The following CDKAL1 variants were observed in gnomAD, a reference collection of about 807,000 sequenced individuals.
CDKAL1 encodes CDKAL1 threonylcarbamoyladenosine tRNA methylthiotransferase.
CDKAL1 carries 32 observed loss-of-function variants against 68.2 expected under a neutral mutation model. The ratio of observed to expected loss-of-function variants is 0.47; its 90% CI spans 0.35 to 0.63. The LOEUF (loss-of-function observed/expected upper bound fraction) is 0.63. Among genes scored for constraint, CDKAL1 ranks in the 30% least tolerant of loss-of-function variants. The pLI, the probability that CDKAL1 is intolerant of heterozygous loss-of-function variation, is 0.00. For synonymous variants in CDKAL1, 234 were observed against 244.3 expected, an observed-to-expected ratio of 0.96 and a Z score of 0.39; for missense variants, 606 against 696.7, an observed-to-expected ratio of 0.87 and a Z score of 1.47.
Position 21,079,727 on chromosome 6 carries a change from A to G in CDKAL1, c.1236+14499A>G, listed in dbSNP as rs568340006. On this transcript the variant is annotated intron_variant, in intron 12 of 15. Transcript: ENST00000274695. ...TGCTACAGCTGGTGCTGATGACATT[A>G]TCTTCCCTAATGGTCATGAGATTAC... Among the ~76,000 whole-genome samples, 10 of 152,328 alleles carry G rather than the reference A, an allele frequency of 6.6e-5. No homozygotes were observed. The South Asian group carries it at 1.0e-3, about 16-fold the overall frequency.
chr6:20,859,182 G>T (rs1001293250), intron 9 of CDKAL1, among the ~76,000 whole-genome samples: 2 of 151,494 alleles, frequency 1.3e-5, no homozygotes, highest in African/African-American at 2.4e-5. Flanking sequence ...GATTCTCTTT[G>T]ATCATGTGGT....
rs967718800 is a variant in CDKAL1 at position 20,805,499 on chromosome 6, C to T, written c.638+24234C>T. ...ATAAAAGCATAGTTTGAATATCTCA[C>T]TTTTAAGGCACAGTGGAGTGAGGAT... On this transcript the variant is annotated intron_variant, in intron 8 of 15. Transcript: ENST00000274695. Among the ~76,000 whole-genome samples, 3 of 152,292 alleles carry T rather than the reference C, an allele frequency of 2.0e-5. 1 individual carries two copies. The highest frequency in any genetic ancestry group is 4.1e-4 in the South Asian group (2 of 4,824).
intron 2 of CDKAL1, among the ~76,000 whole-genome samples, chr6:20,538,773 T>G (rs1354682680): frequency 6.6e-6 from 1 of 152,190 alleles, no homozygotes; most frequent in African/African-American, 2.4e-5. Context: ...GGTTGGGCAT[T>G]TACTTCAGCT....
chr6:20,629,729 C>T (rs920164006), intron 4 of CDKAL1, among the ~76,000 whole-genome samples: 6 of 152,066 alleles, frequency 3.9e-5, no homozygotes, highest in African/African-American at 1.5e-4. Flanking sequence ...ATGCCCATCC[C>T]ATTGTGCCGC....
intron 12 of CDKAL1, among the ~76,000 whole-genome samples, chr6:21,069,860 G>C (rs1026916113): frequency 2.0e-4 from 26 of 127,304 alleles, no homozygotes; most frequent in African/African-American, 7.3e-4. Context: ...CGCCATCTCA[G>C]CTCACTGCAA....
rs1012347640 is a variant in CDKAL1 at position 20,940,950 on chromosome 6, C to T, written c.743-14469C>T. Among the ~76,000 whole-genome samples, 9 of 151,950 alleles carry T rather than the reference C, an allele frequency of 5.9e-5. No homozygotes were observed. In the South Asian group the frequency reaches 8.3e-4, roughly 14 times the overall value. ...CTAAAAATACAAAAAATTAGCCAGG[C>T]GTGGTGGTGGGCGCCTGTAGTCCCA... On this transcript the variant is annotated intron_variant, in intron 9 of 15. Coordinates refer to ENST00000274695, the MANE Select transcript of CDKAL1 (RefSeq NM_017774.3).
intron 13 of CDKAL1, among the ~76,000 whole-genome samples, chr6:21,173,506 GAAC>G (rs1232000167): frequency 4.6e-5 from 7 of 152,282 alleles, no homozygotes; most frequent in African/African-American, 1.7e-4. Context: ...AGGGAGAAAT[GAAC>G]ATGCATTGAC....
chr6:20,899,253 C>T (rs201393884), intron 9 of CDKAL1, among the ~76,000 whole-genome samples: 28 of 151,692 alleles, frequency 1.8e-4, no homozygotes, highest in East Asian at 9.8e-4. Context: ...TTAGTAGAGA[C>T]GGGGTTTCAC....
intron 13 of CDKAL1, among the ~76,000 whole-genome samples, chr6:21,125,730 G>A (rs1053837068): frequency 1.3e-5 from 2 of 152,098 alleles, no homozygotes; most frequent in South Asian, 2.1e-4. Flanking sequence ...ACCCAGTCTC[G>A]GGCAGTTCTT....
At chr6:20,704,846 T>G (rs1224853935) in intron 5 of CDKAL1, among the ~76,000 whole-genome samples, 1 of 152,226 alleles carries the variant, frequency 6.6e-6, no homozygotes, top group African/African-American at 2.4e-5. Context: ...GTGTAAATTG[T>G]TGAATTTATG....
chr6:21,062,709 T>C (rs79081230), intron 11 of CDKAL1, among the ~76,000 whole-genome samples: 2,240 of 152,270 alleles, frequency 0.015, 57 homozygotes, highest in African/African-American at 0.051. Flanking sequence ...AAAAAATAGA[T>C]TTGTCATGCT....
At chr6:21,021,818 G>A (rs1198282285) in intron 11 of CDKAL1, among the ~76,000 whole-genome samples, 1 of 152,082 alleles carries the variant, frequency 6.6e-6, no homozygotes, top group South Asian at 2.1e-4. Context: ...CCATCCGTCC[G>A]GACATTTCAG....
chr6:20,725,822 G>A (rs1772627322), intron 5 of CDKAL1, among the ~76,000 whole-genome samples: 1 of 150,362 alleles, frequency 6.7e-6, no homozygotes, highest in African/African-American at 2.4e-5. Flanking sequence ...TTACACTGAG[G>A]ACTAAACTCT....
chr6:20,582,788 A>T (rs1020509485), intron 4 of CDKAL1, among the ~76,000 whole-genome samples: 2 of 152,188 alleles, frequency 1.3e-5, no homozygotes, highest in African/African-American at 4.8e-5. Flanking sequence ...ATGAAATCCA[A>T]TATTTGCCAA....
chr6:21,198,033 C>A lies in CDKAL1; in HGVS notation c.1312C>A (p.Gln438Lys). 6.2e-7 allele frequency: 1 copy of A among 1,601,094 alleles called. No homozygotes were observed. Among genetic ancestry groups the A allele is most frequent in the Non-Finnish European group, 8.5e-7 (1 of 1,172,074 alleles). ...SPYDHKIGER[Q>K]QVLVTEESFD... ...CTTCTCTCCACAGATTGGTGAAAGA[C>A]AACAAGTGTTAGTAACAGAAGAATC... is the stretch of plus-strand genomic sequence containing the variant. Residue 438 changes from glutamine to lysine, a missense_variant, in exon 14 of 16, where the codon CAA becomes AAA. Physicochemically the swap from Gln to Lys is moderately conservative, Grantham distance 53 (BLOSUM62 1). Coordinates refer to ENST00000274695, the MANE Select transcript of CDKAL1 (RefSeq NM_017774.3).
At chr6:20,619,169 C>A (rs536415233) in intron 4 of CDKAL1, among the ~76,000 whole-genome samples, 4 of 152,164 alleles carry the variant, frequency 2.6e-5, no homozygotes, top group Non-Finnish European at 4.4e-5. Context: ...TCAGATGTAT[C>A]CTCAGATTTG....
At chr6:20,541,509 A>G (rs1453109245) in intron 2 of CDKAL1, among the ~76,000 whole-genome samples, 1 of 152,164 alleles carries the variant, frequency 6.6e-6, no homozygotes, top group Non-Finnish European at 1.5e-5. Context: ...TTCTGTTAAC[A>G]CTAGCGTAGA....
At chr6:20,586,196 A>G (rs1765348245) in intron 4 of CDKAL1, among the ~76,000 whole-genome samples, 1 of 152,204 alleles carries the variant, frequency 6.6e-6, no homozygotes, top group Non-Finnish European at 1.5e-5. Flanking sequence ...TGCCTGGATT[A>G]TAATAGTTAC....
At chr6:20,956,280 G>A (rs1369442766) in intron 10 of CDKAL1, among the ~76,000 whole-genome samples, 2 of 152,154 alleles carry the variant, frequency 1.3e-5, no homozygotes, top group Non-Finnish European at 2.9e-5. Context: ...CTTTTCCACA[G>A]ATCGGGATGC....
Sources: gnomAD v4.1 joint callset for allele counts (sites outside exome capture counted in the v4.1 genomes callset) on GRCh38, gnomAD v4.1.1 for gene constraint, MANE v1.5 for transcripts, NCBI Gene and HGNC (gene_info 2026-07-23, HGNC 2026-07-21) for gene names.